Variants in TRDN observed in about 807,000 individuals in gnomAD.
TRDN encodes the protein triadin, also known as triadin in skeletal muscle.
Under a neutral mutation model 149.7 loss-of-function variants are expected in TRDN, and 161 were observed. That is an observed-to-expected ratio of 1.08 (90% CI 0.95 to 1.23). The LOEUF (loss-of-function observed/expected upper bound fraction) is 1.23. Among genes scored for constraint, TRDN ranks in the 50% most tolerant of loss-of-function variants. The pLI, the probability that TRDN is intolerant of heterozygous loss-of-function variation, is 0.00. For synonymous variants in TRDN, 294 were observed against 250.5 expected (o/e 1.17, Z -1.64); for missense variants, 896 against 823.5 (o/e 1.09, Z -1.08).
intron 1 of TRDN, among the ~76,000 whole-genome samples, chr6:123,581,580 A>G (rs1292608509): frequency 1.3e-5 from 2 of 152,222 alleles, no homozygotes; most frequent in Non-Finnish European, 2.9e-5. Flanking sequence ...TGCGGTATAT[A>G]GTGACCTCTA....
chr6:123,518,636 C>A (rs189205103), intron 5 of TRDN, among the ~76,000 whole-genome samples: 6 of 152,248 alleles, frequency 3.9e-5, no homozygotes, highest in African/African-American at 1.4e-4. Context: ...GGACTGAATT[C>A]GGACTGAAAT....
intron 1 of TRDN, among the ~76,000 whole-genome samples, chr6:123,632,175 T>A (rs181955259): frequency 6.6e-6 from 1 of 152,246 alleles, no homozygotes; most frequent in Non-Finnish European, 1.5e-5. Context: ...TTATTTGAAG[T>A]AACTGGGTTG....
intron 9 of TRDN, 109 bp downstream of exon 9, chr6:123,497,084 G>T: frequency 1.3e-6 from 1 of 759,892 alleles, no homozygotes; most frequent in Non-Finnish European, 2.0e-6. Flanking sequence ...ATCTACACAT[G>T]CATTATGCAA....
intron 1 of TRDN, among the ~76,000 whole-genome samples, chr6:123,584,772 T>C (rs1783354477): frequency 6.6e-6 from 1 of 152,104 alleles, no homozygotes; most frequent in Admixed American, 6.6e-5. Flanking sequence ...AAAGAAAGCA[T>C]GTTTGAGATC....
At chr6:123,338,679 A>C (rs574927482) in intron 21 of TRDN, among the ~76,000 whole-genome samples, 174 of 152,300 alleles carry the variant, frequency 1.1e-3, no homozygotes, top group African/African-American at 3.8e-3. Context: ...AAAACAGCCT[A>C]CTGTATCCTC....
chr6:123,236,655 C>T (rs1775798825), intron 38 of TRDN, among the ~76,000 whole-genome samples: 1 of 152,108 alleles, frequency 6.6e-6, no homozygotes, highest in South Asian at 2.1e-4. Context: ...TCAAAAAATA[C>T]ATAGATGTCC....
intron 9 of TRDN, among the ~76,000 whole-genome samples, chr6:123,489,898 C>G (rs573023211): frequency 2.1e-4 from 32 of 151,648 alleles, no homozygotes; most frequent in African/African-American, 7.0e-4. Context: ...TTTTGAGACA[C>G]CATTTTTACA....
At chr6:123,390,354 A>G (rs1450585620) in intron 13 of TRDN, among the ~76,000 whole-genome samples, 1 of 152,200 alleles carries the variant, frequency 6.6e-6, no homozygotes, top group Non-Finnish European at 1.5e-5. Flanking sequence ...CTAAAATAAT[A>G]CATGAAAAAC....
Position 123,530,522 on chromosome 6 carries a change from C to T in TRDN, c.468G>A (p.Arg156=), listed in dbSNP as rs867167353. The change falls in exon 5 of 41, where the codon AGG becomes AGA. Residue 156 remains arginine, a synonymous_variant. Transcript: ENST00000334268. ...AATGTTTACCTTTAGTTTGTATTTTCCTTTCAGGTTTCTCTTGTTTTTCAG... is the reference window on the plus strand; with the variant it reads ...AATGTTTACCTTTAGTTTGTATTTTTCTTTCAGGTTTCTCTTGTTTTTCAG... ...DKTEKQEKPE[R]KIQTKVTHKE... is the part of the protein sequence containing the mutation. The T allele has an allele frequency of 1.6e-6, 2 of 1,248,550 alleles. No individual in the cohort carries two copies. The highest frequency in any genetic ancestry group is 6.2e-5 in the East Asian group (2 of 32,128). The allele number at this position is 1,248,550 out of a possible 1,614,324, so 77.3% of individuals were successfully genotyped here.
In TRDN at chr6:123,217,906, C is replaced by T. The variant is rs1775010801; in HGVS notation, c.*695G>A. 1 of 151,772 alleles carries T rather than the reference C, an allele frequency of 6.6e-6. No homozygotes were observed. Among genetic ancestry groups the T allele is most frequent in the South Asian group, 2.1e-4 (1 of 4,830 alleles). 9.4% of individuals were successfully genotyped at this position (151,772 alleles called of 1,614,324 possible). A position where few individuals can be genotyped will look rare whatever the true frequency, so the allele number is the denominator to read the frequency against. On this transcript the variant is annotated 3_prime_UTR_variant, in exon 41 of 41. Coordinates refer to ENST00000334268, the MANE Select transcript of TRDN (RefSeq NM_006073.4). Reference sequence around the variant, plus strand: ...CCTGACTAATTGAATGGTGTATTTCCACTGGACTGAATGTCCTAATTATCA... The same window carrying T: ...CCTGACTAATTGAATGGTGTATTTCTACTGGACTGAATGTCCTAATTATCA...
At chr6:123,438,861 TC>T (rs1192479288) in intron 11 of TRDN, 82 bp downstream of exon 11, 1 of 1,102,316 alleles carries the variant, frequency 9.1e-7, no homozygotes, top group Non-Finnish European at 1.3e-6. Flanking sequence ...GGAATTTCTT[TC>T]CTAGAAAATA....
intron 1 of TRDN, among the ~76,000 whole-genome samples, chr6:123,585,144 T>TG (rs201090002): frequency 2.6e-4 from 33 of 126,810 alleles, no homozygotes; most frequent in South Asian, 1.8e-3. Context: ...TGGGTTAAGG[T>TG]GGGGGAATAC....
chr6:123,452,710 C>G (rs888483385), intron 10 of TRDN, among the ~76,000 whole-genome samples: 2 of 152,076 alleles, frequency 1.3e-5, no homozygotes, highest in African/African-American at 4.8e-5. Context: ...CAATCCCCAA[C>G]AAAATACCAC....
intron 12 of TRDN, among the ~76,000 whole-genome samples, chr6:123,428,253 C>T (rs1774203663): frequency 6.6e-6 from 1 of 152,168 alleles, no homozygotes; most frequent in Non-Finnish European, 1.5e-5. Flanking sequence ...CTTTCACCCA[C>T]ACCACAAAGG....
intron 38 of TRDN, among the ~76,000 whole-genome samples, chr6:123,233,533 C>CATCA (rs1253621838): frequency 6.6e-6 from 1 of 152,034 alleles, no homozygotes; most frequent in African/African-American, 2.4e-5. Context: ...AACAACTTAA[C>CATCA]ATCACCCTTA....
intron 2 of TRDN, among the ~76,000 whole-genome samples, chr6:123,564,103 T>G (rs1782146882): frequency 6.6e-6 from 1 of 152,188 alleles, no homozygotes; most frequent in South Asian, 2.1e-4. Flanking sequence ...ATTGATACAC[T>G]TTTTATTAGA....
At chr6:123,443,227 A>C (rs1023751084) in intron 10 of TRDN, among the ~76,000 whole-genome samples, 11 of 149,160 alleles carry the variant, frequency 7.4e-5, no homozygotes, top group Non-Finnish European at 1.6e-4. Flanking sequence ...ATATATATAT[A>C]CATATACATA....
At chr6:123,600,027 A>G (rs1037141237) in intron 1 of TRDN, among the ~76,000 whole-genome samples, 2 of 152,026 alleles carry the variant, frequency 1.3e-5, no homozygotes, top group East Asian at 1.9e-4. Flanking sequence ...GAAGCTTCTC[A>G]TATTCATTTG....
intron 12 of TRDN, among the ~76,000 whole-genome samples, chr6:123,419,954 G>A (rs1773826885): frequency 1.3e-5 from 2 of 152,142 alleles, no homozygotes; most frequent in African/African-American, 4.8e-5. Context: ...TGTGAAATGA[G>A]GGTGACAATT....
Sources: allele counts gnomAD v4.1 joint callset (sites outside exome capture counted in the v4.1 genomes callset), GRCh38; gene constraint gnomAD v4.1.1; transcripts MANE v1.5; gene names NCBI Gene and HGNC (gene_info 2026-07-23, HGNC 2026-07-21).